PARVA: variants seen among roughly 807,000 people sequenced by gnomAD.
PARVA encodes parvin alpha.
A neutral mutation model predicts 52.6 loss-of-function variants in PARVA; 25 were observed. That is an observed-to-expected ratio of 0.48 (90% CI 0.35 to 0.66). The LOEUF (loss-of-function observed/expected upper bound fraction) is 0.66, where lower values mean the gene tolerates loss of function less well. PARVA is among the 30% of genes least tolerant of loss of function. PARVA has a pLI of 0.01. For missense variants in PARVA, 373 were observed against 450.9 expected, an observed-to-expected ratio of 0.83 and a Z score of 1.56; for synonymous variants, 185 against 179.1, an observed-to-expected ratio of 1.03 and a Z score of -0.26.
At chr11:12,497,745 C>A (rs1358873041) in intron 5 of PARVA, among the ~76,000 whole-genome samples, 1 of 152,170 alleles carries the variant, frequency 6.6e-6, no homozygotes, top group Non-Finnish European at 1.5e-5. Flanking sequence ...CTCTGTTTCA[C>A]TGTGTTCCAG....
At chr11:12,446,232 TTA>T (rs1160247585) in intron 1 of PARVA, among the ~76,000 whole-genome samples, 1 of 152,108 alleles carries the variant, frequency 6.6e-6, no homozygotes, top group Non-Finnish European at 1.5e-5. Flanking sequence ...TGGTCAAAGG[TTA>T]TGAGTAGACA....
At chr11:12,518,845 T>C (rs1941604877) in intron 12 of PARVA, among the ~76,000 whole-genome samples, 1 of 152,206 alleles carries the variant, frequency 6.6e-6, no homozygotes, top group South Asian at 2.1e-4. Flanking sequence ...CAAAGAGCTG[T>C]GTCCCCGCCA....
At chr11:12,426,733 C>A (rs546796803) in intron 1 of PARVA, among the ~76,000 whole-genome samples, 2 of 152,218 alleles carry the variant, frequency 1.3e-5, no homozygotes, top group Admixed American at 6.5e-5. Context: ...TCTTGTGCCT[C>A]CAGAGCCTAA....
chr11:12,458,913 G>A (rs1940736021), intron 1 of PARVA, among the ~76,000 whole-genome samples: 1 of 152,150 alleles, frequency 6.6e-6, no homozygotes, highest in South Asian at 2.1e-4. Flanking sequence ...CACATGACCA[G>A]CTCAGAAACT....
At chr11:12,383,792 C>A (rs976505866) in intron 1 of PARVA, among the ~76,000 whole-genome samples, 2 of 151,948 alleles carry the variant, frequency 1.3e-5, no homozygotes, top group African/African-American at 4.8e-5. Context: ...GCAATTTTTT[C>A]AAATTGTTGC....
intron 8 of PARVA, 140 bp downstream of exon 8, chr11:12,511,673 G>C (rs1454239670): frequency 1.2e-6 from 1 of 850,418 alleles, no homozygotes; most frequent in Non-Finnish European, 1.9e-6. Flanking sequence ...GGCCAATTGG[G>C]TTGGGAGGGA....
At chr11:12,489,832 T>C (rs1306682703) in intron 4 of PARVA, among the ~76,000 whole-genome samples, 1 of 152,182 alleles carries the variant, frequency 6.6e-6, no homozygotes, top group East Asian at 1.9e-4. Context: ...GATATCAAAA[T>C]ACTTTGATGT....
chr11:12,484,178 C>T (rs904059747), intron 4 of PARVA, among the ~76,000 whole-genome samples: 1 of 152,186 alleles, frequency 6.6e-6, no homozygotes, highest in Admixed American at 6.5e-5. Context: ...ATGGGATAAG[C>T]GATTCCAGGA....
chr11:12,403,761 T>G (rs1346880105), intron 1 of PARVA, among the ~76,000 whole-genome samples: 1 of 152,202 alleles, frequency 6.6e-6, no homozygotes, highest in East Asian at 1.9e-4. Flanking sequence ...GTTTCAAACT[T>G]TCAGCTGACC....
chr11:12,468,644 G>A (rs1275220164), intron 1 of PARVA, among the ~76,000 whole-genome samples: 1 of 152,122 alleles, frequency 6.6e-6, no homozygotes, highest in Non-Finnish European at 1.5e-5. Flanking sequence ...CCTATAACAA[G>A]ACATATGAGC....
At chr11:12,436,166 A>T (rs1434902902) in intron 1 of PARVA, among the ~76,000 whole-genome samples, 1 of 152,126 alleles carries the variant, frequency 6.6e-6, no homozygotes, top group African/African-American at 2.4e-5. Flanking sequence ...CCCTCTTCTG[A>T]GGATTAGGGA....
chr11:12,524,047 AC>A (rs1941671349), intron 12 of PARVA, among the ~76,000 whole-genome samples: 2 of 152,040 alleles, frequency 1.3e-5, no homozygotes, highest in Non-Finnish European at 2.9e-5. Context: ...TCCCCTATTC[AC>A]CCGGCCCATC....
chr11:12,505,474 CTATT>C (rs1214789251), intron 6 of PARVA, among the ~76,000 whole-genome samples: 2 of 152,184 alleles, frequency 1.3e-5, no homozygotes, highest in Admixed American at 1.3e-4. Context: ...CAGTGAAAAA[CTATT>C]TATTCCACAC....
chr11:12,509,656 G>A (rs570811194), intron 7 of PARVA, among the ~76,000 whole-genome samples: 6 of 152,336 alleles, frequency 3.9e-5, no homozygotes, highest in African/African-American at 1.2e-4. Flanking sequence ...ATTCCAGGCC[G>A]AGACTAGGGG....
chr11:12,395,327 A>C (rs1939725769), intron 1 of PARVA, among the ~76,000 whole-genome samples: 1 of 152,168 alleles, frequency 6.6e-6, no homozygotes, highest in Admixed American at 6.5e-5. Context: ...AAGAGCACCG[A>C]ATGTGTTTAC....
intron 1 of PARVA, among the ~76,000 whole-genome samples, chr11:12,426,478 G>GT (rs1940237182): frequency 6.6e-6 from 1 of 152,122 alleles, no homozygotes; most frequent in Admixed American, 6.6e-5. Flanking sequence ...GTTGAAGTGG[G>GT]TTTTAAGCAG....
intron 7 of PARVA, 42 bp from the exon 8 acceptor site, chr11:12,511,472 C>G (rs757423931): frequency 2.5e-6 from 4 of 1,602,454 alleles, no homozygotes; most frequent in Non-Finnish European, 3.4e-6. Flanking sequence ...TTATAAGGGA[C>G]AAGAGAAGAG....
At chr11:12,407,686 C>A (rs895861934) in intron 1 of PARVA, among the ~76,000 whole-genome samples, 3 of 152,184 alleles carry the variant, frequency 2.0e-5, no homozygotes, top group African/African-American at 7.2e-5. Flanking sequence ...CAGAGGAAAG[C>A]AGTTTGATGC....
chr11:12,444,048 C>T (rs552074944), intron 1 of PARVA, among the ~76,000 whole-genome samples: 1 of 152,298 alleles, frequency 6.6e-6, no homozygotes, highest in South Asian at 2.1e-4. Context: ...ACTTCAGACA[C>T]CATGTGGTGG....
Sources: gnomAD v4.1 joint callset for allele counts (sites outside exome capture counted in the v4.1 genomes callset) on GRCh38, gnomAD v4.1.1 for gene constraint, MANE v1.5 for transcripts, NCBI Gene and HGNC (gene_info 2026-07-23, HGNC 2026-07-21) for gene names.